The following MYH8 variants were observed in gnomAD, a reference collection of about 807,000 sequenced individuals.
MYH8 encodes myosin heavy chain 8, also known as myosin-8.
MYH8 carries 168 observed loss-of-function variants against 233.2 expected under a neutral mutation model. The observed-to-expected ratio is 0.72, with a 90% CI of 0.64 to 0.82. The LOEUF (loss-of-function observed/expected upper bound fraction) is 0.82, where lower values mean the gene tolerates loss of function less well. Ranked by LOEUF, MYH8 falls within the 40% of genes least tolerant of loss-of-function variation. The probability of loss-of-function intolerance (pLI) is 0.00; values close to 1 mark genes in which losing one functional copy is unlikely to be tolerated. For missense variants in MYH8, 1,995 were observed against 2,327.8 expected (o/e 0.86, Z 2.94); for synonymous variants, 785 against 850.6 (o/e 0.92, Z 1.34).
rs960013940 is a variant in MYH8, at chr17:10,418,996, A to T, written c.245T>A (p.Met82Lys). Residue 82 changes from methionine (M) to lysine (K), a missense_variant, in exon 4 of 40, where the codon ATG becomes AAG. This residue lies in a region of MYH8 where 479 missense variants were observed against 600.9 expected (regional missense o/e 0.80). Transcript: ENST00000403437. Reference protein sequence around the residue: ...LTVREDQVFPMNPPKYDKIED... With the variant: ...LTVREDQVFPKNPPKYDKIED... The stretch of plus-strand genomic sequence containing the variant: ...AATTTTGTCATATTTCGGAGGGTTC[A>T]TAGGGAAGACTTGGTCTTCCCTGAC... The T allele has an allele frequency of 3.1e-6, 5 of 1,614,076 alleles. No individual in the cohort carries two copies. Among genetic ancestry groups the T allele is most frequent in the African/African-American group, 2.7e-5 (2 of 74,930 alleles).
At position 10,413,917 on chromosome 17, in the gene MYH8, G is replaced by T; in HGVS notation, c.1132C>A (p.Pro378Thr). 6.2e-7 allele frequency: 1 copy of T among 1,613,934 alleles called. No homozygotes were observed. The highest frequency in any genetic ancestry group is 8.5e-7 in the Non-Finnish European group (1 of 1,179,986). ...CATTTGGTACCTTCTGTGCCATCTG[G>T]CTCAGCTTGCTCCTCACGCTGCTTT... is the stretch of plus-strand genomic sequence containing the variant. ...KQKQREEQAE[P>T]DGTEVADKAA... Residue 378 changes from proline to threonine, a missense_variant, in exon 12 of 40, where the codon CCA becomes ACA. By Grantham distance (38) the Pro-to-Thr change is conservative. Around this residue, in one of 3 missense-constraint regions of MYH8, gnomAD observed 479 missense variants for 600.9 expected, o/e 0.80. Coordinates refer to ENST00000403437, the MANE Select transcript of MYH8 (RefSeq NM_002472.3).
At position 10,406,068 on chromosome 17, in the gene MYH8, A is replaced by G. The variant is rs2072189554; in HGVS notation, c.2405T>C (p.Val802Ala). ...CCTTTGCAACATCTTCTGATATTCT[A>G]CCCTCATTAGGAATCCCCTACAGAC... ...QAVCRGFLMRVEYQKMLQRRE... is the reference protein window; with the variant it reads ...QAVCRGFLMRAEYQKMLQRRE... Residue 802 changes from valine to alanine, a missense_variant, in exon 21 of 40, where the codon GTA becomes GCA. By Grantham distance (64) the Val-to-Ala change is moderately conservative (BLOSUM62 0). Around this residue, in one of 3 missense-constraint regions of MYH8, gnomAD observed 1,498 missense variants for 1,680.9 expected, o/e 0.89. Transcript: ENST00000403437. 3 of 1,613,922 alleles carry G rather than the reference A, an allele frequency of 1.9e-6. No homozygotes were observed. The highest frequency in any genetic ancestry group is 1.6e-4 in the Middle Eastern group (1 of 6,062).
chr17:10,421,398 C>G (rs2142194542), intron 2 of MYH8, among the ~76,000 whole-genome samples: 1 of 152,274 alleles, frequency 6.6e-6, no homozygotes, highest in Admixed American at 6.5e-5. Flanking sequence ...TGCCACTGGA[C>G]AGTTCTAAGC....
rs768534267 is a variant in MYH8 at position 10,412,434 on chromosome 17, T to C, written c.1352A>G (p.Asp451Gly). Residue 451 changes from aspartate (D) to glycine (G), a missense_variant, in exon 14 of 40, where the codon GAC (aspartate) becomes GGC (glycine). This residue lies in a region of MYH8 where 479 missense variants were observed against 600.9 expected (regional missense o/e 0.80). Transcript: ENST00000403437. ...GAAGTACTGCCTGGGCTGCTTGGTG[T>C]CCAGCTGCTGGTTGATGCGGGTGAC... Reference protein sequence around the residue: ...WMVTRINQQLDTKQPRQYFIG... With the variant: ...WMVTRINQQLGTKQPRQYFIG... 1.9e-6 allele frequency: 3 copies of C among 1,614,140 alleles called. No individual in the cohort carries two copies. The highest frequency in any genetic ancestry group is 3.3e-5 in the Admixed American group (2 of 60,014).
chr17:10,420,106 A>G lies in MYH8; in HGVS notation c.122T>C (p.Phe41Ser), dbSNP rs1295590545. 1 of 1,614,212 alleles carries G rather than the reference A, an allele frequency of 6.2e-7. No individual in the cohort carries two copies. The highest frequency in any genetic ancestry group is 1.1e-5 in the South Asian group (1 of 91,074). The change falls in exon 3 of 40, where the codon TTT becomes TCT. Residue 41 changes from phenylalanine (F) to serine (S), a missense_variant. Physicochemically the swap from Phe to Ser is radical, Grantham distance 155. Transcript: ENST00000403437. ...ATAGGATTCCTTGGGCTCCGCCACAAAGACAGATGTTTTAGCATCAAACGG... is the reference window on the plus strand; with the variant it reads ...ATAGGATTCCTTGGGCTCCGCCACAGAGACAGATGTTTTAGCATCAAACGG... The part of the protein sequence containing the change: ...NKPFDAKTSV[F>S]VAEPKESYVK...
rs764174268 is a variant in MYH8, at chr17:10,398,453, T to A, written c.4169A>T (p.Glu1390Val). The A allele has an allele frequency of 1.9e-6, 3 of 1,614,000 alleles. No individual in the cohort carries two copies. Among genetic ancestry groups the A allele is most frequent in the Non-Finnish European group, 2.5e-6 (3 of 1,179,876 alleles). The change falls in exon 30 of 40, where the codon GAG (glutamate) becomes GTG (valine). Residue 1390 changes from glutamate (E) to valine (V), a missense_variant. This residue lies in a region of MYH8 where 1,498 missense variants were observed against 1,680.9 expected (regional missense o/e 0.89). Coordinates refer to ENST00000403437, the MANE Select transcript of MYH8 (RefSeq NM_002472.3). Reference sequence around the variant, plus strand: ...AGTTCACAGCACATACTTGGCCTCCTCCAGCTCCTCTGTGCGCTGGATGGC... The same window carrying A: ...AGTTCACAGCACATACTTGGCCTCCACCAGCTCCTCTGTGCGCTGGATGGC... Reference protein sequence around the residue: ...TDAIQRTEELEEAKKKLAQRL... With the variant: ...TDAIQRTEELVEAKKKLAQRL...
At position 10,399,586 on chromosome 17, in the gene MYH8, G is replaced by A; in HGVS notation, c.3819C>T (p.Ile1273=). ...KTKEEEQQRL[I]NDLTAQRARL... ...GCGCTCTCTGTGCTGTGAGGTCATT[G>A]ATCAGCCGCTGCTGCTCCTCTTCCT... Residue 1273 remains isoleucine, a synonymous_variant, in exon 28 of 40, where the codon ATC becomes ATT. Coordinates refer to ENST00000403437, the MANE Select transcript of MYH8 (RefSeq NM_002472.3). 2 of 1,614,020 alleles carry A rather than the reference G, an allele frequency of 1.2e-6. No homozygotes were observed. Among genetic ancestry groups the A allele is most frequent in the African/African-American group, 1.3e-5 (1 of 75,040 alleles).
chr17:10,400,970 A>G lies in MYH8; in HGVS notation c.3255-11T>C, dbSNP rs1462793673. 20 of 1,613,826 alleles carry G rather than the reference A, an allele frequency of 1.2e-5. No homozygotes were observed. Among genetic ancestry groups the G allele is most frequent in the Non-Finnish European group, 1.7e-5 (20 of 1,179,874 alleles). Reference sequence around the variant, plus strand: ...ATTTCAAATTCTTTCCTTTAGACAGAAGAGCAAGACGTATTAATACTCATG... The same window carrying G: ...ATTTCAAATTCTTTCCTTTAGACAGGAGAGCAAGACGTATTAATACTCATG... On this transcript the variant is annotated splice_polypyrimidine_tract_variant and intron_variant, in intron 25 of 39. Coordinates refer to ENST00000403437, the MANE Select transcript of MYH8 (RefSeq NM_002472.3). This position sits in a 1 kb window ranked among gnomAD's most constrained non-coding sequence, Gnocchi z 4.0.
chr17:10,392,030 C>G, intron 38 of MYH8, 53 bp from the exon 39 acceptor site: 3 of 1,451,224 alleles, frequency 2.1e-6, no homozygotes, highest in Non-Finnish European at 2.9e-6. Flanking sequence ...TAAGGCTACT[C>G]TGGGTACTAA....
rs1597405586 is a variant in MYH8, at chr17:10,417,095, G to T, written c.512-1387C>A. 6.6e-6 allele frequency among the ~76,000 whole-genome samples: 1 copy of T among 152,142 alleles called. No homozygotes were observed. Among genetic ancestry groups the T allele is most frequent in the Admixed American group, 6.6e-5 (1 of 15,264 alleles). ...CAATACTAAATAAGGAAGGGGTCTG[G>T]AATTGTGAATATTTGTGTTCATCTG... On this transcript the variant is annotated intron_variant, in intron 5 of 39. Transcript: ENST00000403437. This position sits in a 1 kb window ranked among gnomAD's most constrained non-coding sequence, Gnocchi z 4.1.
In MYH8 at chr17:10,396,380, G is replaced by C; in HGVS notation, c.4603C>G (p.Gln1535Glu). 1 of 1,613,838 alleles carries C rather than the reference G, an allele frequency of 6.2e-7. No homozygotes were observed. The highest frequency in any genetic ancestry group is 1.3e-5 in the African/African-American group (1 of 74,942). The change falls in exon 33 of 40, where the codon CAA becomes GAA. Residue 1535 changes from glutamine (Q) to glutamate (E), a missense_variant. By Grantham distance (29) the Gln-to-Glu change is conservative (BLOSUM62 2). Coordinates refer to ENST00000403437, the MANE Select transcript of MYH8 (RefSeq NM_002472.3). The surrounding 1 kb of genome is among the most constrained non-coding windows in gnomAD (Gnocchi z 4.2). ...ATTTCACATTTCTCTTGTTCTACTT[G>C]CTTCTTTATTTTCTCCAATTCATGA... Reference protein sequence around the residue: ...QIHELEKIKKQVEQEKCEIQA... With the variant: ...QIHELEKIKKEVEQEKCEIQA...
chr17:10,414,411 A>G lies in MYH8; in HGVS notation c.879T>C (p.Thr293=). Residue 293 remains threonine (T), a synonymous_variant, in exon 10 of 40, where the codon ACT becomes ACC. Coordinates refer to ENST00000403437, the MANE Select transcript of MYH8 (RefSeq NM_002472.3). The part of the protein sequence containing the change: ...ERSYHIFYQI[T]SNKKPDLIEM... ...CAATTAGATCTGGCTTCTTATTGGA[A>G]GTGATCTGATAAAAAATATGGTAGC... 6.2e-7 allele frequency: 1 copy of G among 1,613,108 alleles called. No homozygotes were observed. Among genetic ancestry groups the G allele is most frequent in the Non-Finnish European group, 8.5e-7 (1 of 1,179,030 alleles).
In MYH8 at chr17:10,396,838, C is replaced by T; in HGVS notation, c.4327G>A (p.Ala1443Thr). Residue 1443 changes from alanine (A) to threonine (T), a missense_variant, in exon 31 of 40, where the codon GCA becomes ACA. Physicochemically the swap from Ala to Thr is moderately conservative, Grantham distance 58. Transcript: ENST00000403437. The surrounding 1 kb of genome is among the most constrained non-coding windows in gnomAD (Gnocchi z 4.2). ...LDVERSNAAC[A>T]ALDKKQRNFD... ...TTCCTTTGCTTCTTATCAAGGGCTG[C>T]ACAGGCTGCATTAGACCTTTCCACA... 6.2e-7 allele frequency: 1 copy of T among 1,614,204 alleles called. No individual in the cohort carries two copies. The highest frequency in any genetic ancestry group is 8.5e-7 in the Non-Finnish European group (1 of 1,180,036).
intron 19 of MYH8, 49 bp downstream of exon 19, chr17:10,406,641 A>G (rs1292838213): frequency 6.6e-7 from 1 of 1,520,868 alleles, no homozygotes; most frequent in Non-Finnish European, 9.1e-7. Flanking sequence ...TTAATTTTTT[A>G]ATACATACTA....
At position 10,394,253 on chromosome 17, in the gene MYH8, G is replaced by A; in HGVS notation, c.5162C>T (p.Thr1721Ile). ...TGTTTGATGTGAGGGTCTCACCTGG[G>A]TGTGGAGGAGCTGGACACGCTCACT... ...DASERVQLLH[T>I]QNTSLINTKK... The change falls in exon 35 of 40, where the codon ACC becomes ATC. Residue 1721 changes from threonine to isoleucine, a missense_variant. Physicochemically the swap from Thr to Ile is moderately conservative, Grantham distance 89. Around this residue, in one of 3 missense-constraint regions of MYH8, gnomAD observed 1,498 missense variants for 1,680.9 expected, o/e 0.89. Transcript: ENST00000403437. The A allele has an allele frequency of 4.3e-6, 7 of 1,613,870 alleles. No individual in the cohort carries two copies. The highest frequency in any genetic ancestry group is 5.9e-6 in the Non-Finnish European group (7 of 1,179,872).
intron 27 of MYH8, 38 bp from the exon 28 acceptor site, chr17:10,399,707 T>C: frequency 6.2e-7 from 1 of 1,612,950 alleles, no homozygotes; most frequent in African/African-American, 1.3e-5. Context: ...AGACATTGAA[T>C]GCAATAAAAA....
At position 10,394,996 on chromosome 17, in the gene MYH8, A is replaced by G. The variant is rs149761278; in HGVS notation, c.4962+137T>C. 8.1e-4 allele frequency: 764 copies of G among 945,310 alleles called. 3 individuals are homozygous for G. In the African/African-American group the frequency reaches 0.011, roughly 14 times the overall value. 58.6% of individuals were successfully genotyped at this position (945,310 alleles called of 1,614,324 possible). ...CTTAAAAATAATATGTTCTATGTGT[A>G]TTTAATTCAGTTACCTTTGTGCGGT... On this transcript the variant is annotated intron_variant, in intron 34 of 39. Transcript: ENST00000403437.
At position 10,390,374 on chromosome 17, in the gene MYH8, TA is replaced by T; in HGVS notation, c.*79del. ...TATTTATTCAGCTTTAACAGGAAAA[TA>T]AACGTCATAAAGCAAGTGACCAAAA... On this transcript the variant is annotated 3_prime_UTR_variant, in exon 40 of 40. Coordinates refer to ENST00000403437, the MANE Select transcript of MYH8 (RefSeq NM_002472.3). The T allele has an allele frequency of 6.4e-7, 1 of 1,552,884 alleles. No individual in the cohort carries two copies. The highest frequency in any genetic ancestry group is 8.9e-7 in the Non-Finnish European group (1 of 1,126,328).
chr17:10,421,496 G>A (rs1486898309), intron 2 of MYH8, among the ~76,000 whole-genome samples, 167 bp downstream of exon 2: 1 of 152,112 alleles, frequency 6.6e-6, no homozygotes, highest in Non-Finnish European at 1.5e-5. Flanking sequence ...CTGAGAAGAA[G>A]ACATTTTGAA....
Sources: allele counts gnomAD v4.1 joint callset (sites outside exome capture counted in the v4.1 genomes callset), GRCh38; gene constraint gnomAD v4.1.1; regional missense constraint gnomAD v4.1.1; non-coding constraint Gnocchi (gnomAD v3.1); transcripts MANE v1.5; gene names NCBI Gene and HGNC (gene_info 2026-07-23, HGNC 2026-07-21).